MARCHF1: variants seen among roughly 807,000 people sequenced by gnomAD.
MARCHF1 encodes membrane associated ring-CH-type finger 1.
In MARCHF1, 40 loss-of-function variants were observed where a neutral mutation model predicts 54.2. That is an observed-to-expected ratio of 0.74 (90% CI 0.57 to 0.96). The LOEUF is 0.96. Among genes scored for constraint, MARCHF1 ranks in the 40% least tolerant of loss-of-function variants. The pLI is 0.00. For missense variants in MARCHF1, 586 were observed against 656.5 expected, an observed-to-expected ratio of 0.89 and a Z score of 1.17; for synonymous variants, 236 against 236.3, an observed-to-expected ratio of 1.00 and a Z score of 0.01.
intron 2 of MARCHF1, among the ~76,000 whole-genome samples, chr4:164,088,825 CA>C (rs775739683): frequency 6.6e-6 from 1 of 151,970 alleles, no homozygotes; most frequent in Non-Finnish European, 1.5e-5. Context: ...ATCATAAAAC[CA>C]GAACAATAGT....
intron 7 of MARCHF1, 110 bp from the exon 8 acceptor site, chr4:163,586,039 T>A: frequency 1.1e-6 from 1 of 878,106 alleles, no homozygotes. Flanking sequence ...ACCTAAGATT[T>A]AGAACACATG....
At chr4:163,690,540 CA>C (rs1744414621) in intron 5 of MARCHF1, among the ~76,000 whole-genome samples, 1 of 152,132 alleles carries the variant, frequency 6.6e-6, no homozygotes, top group Non-Finnish European at 1.5e-5. Context: ...ACATTGTTCA[CA>C]TAAAAGTACA....
intron 4 of MARCHF1, among the ~76,000 whole-genome samples, chr4:163,834,083 C>T (rs1749108154): frequency 6.6e-6 from 1 of 151,982 alleles, no homozygotes; most frequent in African/African-American, 2.4e-5. Flanking sequence ...GGTTTTGTTG[C>T]AAGGAGAAAG....
intron 1 of MARCHF1, among the ~76,000 whole-genome samples, chr4:164,165,404 C>G (rs1308452314): frequency 1.3e-5 from 2 of 149,522 alleles, no homozygotes; most frequent in Non-Finnish European, 3.0e-5. Flanking sequence ...CTGTCTCTCT[C>G]TACCACATGA....
At chr4:163,555,137 G>C (rs1347604108) in intron 8 of MARCHF1, among the ~76,000 whole-genome samples, 1 of 152,170 alleles carries the variant, frequency 6.6e-6, no homozygotes, top group Non-Finnish European at 1.5e-5. Flanking sequence ...CTGTCCTGAG[G>C]GTAGATATAA....
At chr4:164,160,666 A>G (rs1730208115) in intron 1 of MARCHF1, among the ~76,000 whole-genome samples, 1 of 152,240 alleles carries the variant, frequency 6.6e-6, no homozygotes, top group Admixed American at 6.5e-5. Flanking sequence ...ACAGCATGAT[A>G]CAATATTAAT....
chr4:164,358,612 G>A (rs1730631154), intron 1 of MARCHF1, among the ~76,000 whole-genome samples: 1 of 152,132 alleles, frequency 6.6e-6, no homozygotes, highest in Non-Finnish European at 1.5e-5. Context: ...TGGGTAAATG[G>A]TAGTTGGTAG....
intron 4 of MARCHF1, among the ~76,000 whole-genome samples, chr4:163,739,554 G>T (rs1276951416): frequency 6.6e-6 from 1 of 152,116 alleles, no homozygotes; most frequent in East Asian, 1.9e-4. Context: ...GAAATGTCAT[G>T]AACTCAAAAA....
At chr4:163,674,869 TAAAG>T (rs1397978586) in intron 5 of MARCHF1, among the ~76,000 whole-genome samples, 1 of 152,108 alleles carries the variant, frequency 6.6e-6, no homozygotes, top group Non-Finnish European at 1.5e-5. Flanking sequence ...ATGGTTGAAA[TAAAG>T]AACATAATAG....
At chr4:163,773,442 T>C (rs1185671488) in intron 4 of MARCHF1, among the ~76,000 whole-genome samples, 1 of 152,202 alleles carries the variant, frequency 6.6e-6, no homozygotes, top group East Asian at 1.9e-4. Context: ...ACCACTGAAT[T>C]AATTTCTTTC....
chr4:163,643,090 A>G (rs1053519492), intron 5 of MARCHF1, among the ~76,000 whole-genome samples: 1 of 150,254 alleles, frequency 6.7e-6, no homozygotes, highest in Admixed American at 6.7e-5. Flanking sequence ...AGGCAGGTGG[A>G]TCATTTCATG....
chr4:163,715,582 T>G (rs945775596), intron 4 of MARCHF1, among the ~76,000 whole-genome samples: 5 of 152,190 alleles, frequency 3.3e-5, no homozygotes, highest in African/African-American at 1.2e-4. Flanking sequence ...TTCTAAGATT[T>G]CTACCACCCA....
intron 1 of MARCHF1, among the ~76,000 whole-genome samples, chr4:164,190,589 C>T (rs1376085738): frequency 6.6e-6 from 1 of 152,082 alleles, no homozygotes; most frequent in Non-Finnish European, 1.5e-5. Context: ...TGTTCACCTT[C>T]AAAATGTTCT....
At chr4:164,122,862 C>T (rs11732381) in intron 1 of MARCHF1, among the ~76,000 whole-genome samples, 73,882 of 151,428 alleles carry the variant, frequency 0.49, 18,292 homozygotes, top group South Asian at 0.56. Flanking sequence ...TTTCCTCTAA[C>T]ATCTGGAACA....
chr4:164,301,437 A>G (rs573497784), intron 1 of MARCHF1, among the ~76,000 whole-genome samples: 4 of 152,238 alleles, frequency 2.6e-5, no homozygotes, highest in African/African-American at 9.6e-5. Context: ...TTAAGAAGGC[A>G]GGTCTGGATC....
intron 5 of MARCHF1, among the ~76,000 whole-genome samples, chr4:163,649,258 A>G (rs1278136305): frequency 1.3e-5 from 2 of 152,000 alleles, no homozygotes; most frequent in Non-Finnish European, 2.9e-5. Flanking sequence ...ATTGACTTAT[A>G]TCATACAAAA....
intron 5 of MARCHF1, among the ~76,000 whole-genome samples, chr4:163,632,697 C>A (rs1441229967): frequency 1.3e-5 from 2 of 152,224 alleles, no homozygotes; most frequent in African/African-American, 4.8e-5. Context: ...CCCAGGCTTG[C>A]TTAGGTAAAC....
Position 163,921,177 on chromosome 4 carries a change from G to C in MARCHF1, c.-38-67008C>G, listed in dbSNP as rs562864310. ...ATATGAGAAGAAGTAAAGATAGCCT[G>C]ATGGAAATGTTCTTTCTTAAACACA... On this transcript the variant is annotated intron_variant, in intron 3 of 9. Coordinates refer to ENST00000514618, the MANE Select transcript of MARCHF1 (RefSeq NM_001394959.1). Among the ~76,000 whole-genome samples, 3 of 152,266 alleles carry C rather than the reference G, an allele frequency of 2.0e-5. No homozygotes were observed. The South Asian group carries it at 6.2e-4, about 32-fold the overall frequency.
intron 1 of MARCHF1, among the ~76,000 whole-genome samples, chr4:164,310,980 A>G (rs1286088637): frequency 6.6e-6 from 1 of 152,182 alleles, no homozygotes; most frequent in African/African-American, 2.4e-5. Context: ...TGCCACTAAA[A>G]ACACTTTCCT....
Sources: allele counts gnomAD v4.1 joint callset (sites outside exome capture counted in the v4.1 genomes callset), GRCh38; gene constraint gnomAD v4.1.1; transcripts MANE v1.5; gene names NCBI Gene and HGNC (gene_info 2026-07-23, HGNC 2026-07-21).